ZNF717: variants seen among roughly 807,000 people sequenced by gnomAD.
ZNF717 encodes krueppel-like factor X17.
In ZNF717, 9 loss-of-function variants were observed where a neutral mutation model predicts 13.8. That is an observed-to-expected ratio of 0.65 (90% CI 0.39 to 1.14). ZNF717 has a LOEUF of 1.14. Ranked by LOEUF, ZNF717 falls within the 50% of genes most tolerant of loss-of-function variation. The pLI is 0.01. For missense variants in ZNF717, 1,040 were observed against 1,080.7 expected (o/e 0.96, Z 0.53); for synonymous variants, 327 against 364.1 (o/e 0.90, Z 1.16).
chr3:75,756,324 T>C (rs555716967), intron 2 of ZNF717, among the ~76,000 whole-genome samples: 1 of 152,342 alleles, frequency 6.6e-6, no homozygotes, highest in East Asian at 1.9e-4. Context: ...TTTTTATTAA[T>C]ATTAAATTGT....
chr3:75,784,525 T>C (rs965708943), intron 1 of ZNF717, among the ~76,000 whole-genome samples: 8 of 152,148 alleles, frequency 5.3e-5, no homozygotes, highest in East Asian at 1.9e-4. Flanking sequence ...CGAGGAAAGG[T>C]TGAAGGAATG....
intron 2 of ZNF717, among the ~76,000 whole-genome samples, chr3:75,772,870 A>G (rs66891880): frequency 0.013 from 1,673 of 125,078 alleles, no homozygotes; most frequent in Middle Eastern, 0.033. Context: ...TTGACCTCTC[A>G]GAGCAGCTGG....
Position 75,744,057 on chromosome 3 carries a change from A to T in ZNF717, c.58-2321T>A, listed in dbSNP as rs1257632444. Among the ~76,000 whole-genome samples the T allele has an allele frequency of 2.5e-4, 38 of 152,354 alleles. No individual in the cohort carries two copies. In the South Asian group the frequency reaches 7.5e-3, roughly 30 times the overall value. ...ATAAGAGAATGAAAGAATAAAAGAA[A>T]CAAGTACAGAATCTACAGAAACACT... On this transcript the variant is annotated intron_variant, in intron 2 of 4. Coordinates refer to ENST00000652011, the MANE Select transcript of ZNF717 (RefSeq NM_001290208.3).
chr3:75,737,640 G>C lies in ZNF717; in HGVS notation c.1983C>G (p.Phe661Leu), dbSNP rs1190398346. 1.9e-6 allele frequency: 3 copies of C among 1,544,190 alleles called. No homozygotes were observed. The highest frequency in any genetic ancestry group is 2.0e-5 in the Admixed American group (1 of 50,528). ...ECGKTFHRKSFLTIHQRTHTG... is the reference protein window; with the variant it reads ...ECGKTFHRKSLLTIHQRTHTG... ...TGTGAGTTCTCTGGTGTATGGTGAG[G>C]AATGACTTGCGATGAAAGGTTTTTC... The change falls in exon 5 of 5, where the codon TTC (phenylalanine) becomes TTG (leucine). Residue 661 changes from phenylalanine (F) to leucine (L), a missense_variant. Phe to Leu is a conservative substitution (Grantham distance 22). This residue lies in a region of ZNF717 where 873 missense variants were observed against 832.8 expected (regional missense o/e 1.05). Transcript: ENST00000652011.
intron 2 of ZNF717, among the ~76,000 whole-genome samples, chr3:75,745,837 T>C (rs1271366591): frequency 6.6e-5 from 10 of 151,618 alleles, no homozygotes; most frequent in African/African-American, 2.4e-4. Context: ...CACATTTTCT[T>C]TCTTTTTTTA....
chr3:75,709,265 G>A (rs1430178660), downstream of ZNF717, among the ~76,000 whole-genome samples: 1 of 152,046 alleles, frequency 6.6e-6, no homozygotes, highest in Non-Finnish European at 1.5e-5. Context: ...CTCCCCAAGT[G>A]CTGGGGTTAT....
chr3:75,766,895 A>G (rs1943512255), intron 2 of ZNF717, among the ~76,000 whole-genome samples: 1 of 152,280 alleles, frequency 6.6e-6, no homozygotes, highest in African/African-American at 2.4e-5. Flanking sequence ...TGTGAGTCAA[A>G]AAAAGTATTC....
chr3:75,772,277 C>A (rs998599537), intron 2 of ZNF717, among the ~76,000 whole-genome samples: 6 of 152,246 alleles, frequency 3.9e-5, no homozygotes, highest in African/African-American at 1.4e-4. Flanking sequence ...TCTACTTGCC[C>A]ACGTACCTCA....
chr3:75,758,228 G>A (rs1942669220), intron 2 of ZNF717, among the ~76,000 whole-genome samples: 1 of 151,920 alleles, frequency 6.6e-6, no homozygotes, highest in Non-Finnish European at 1.5e-5. Context: ...TGCAGATATA[G>A]TGGAAATAAC....
In ZNF717 at chr3:75,738,864, G is replaced by A; in HGVS notation, c.759C>T (p.Val253=). The change falls in exon 5 of 5, where the codon GTC becomes GTT. Residue 253 remains valine (V), a synonymous_variant. Transcript: ENST00000652011. ...GCTGTCCTACCTGAGTTATCACTTG[G>A]ACAATAACAGCTGAGTTATTACAGG... ...EKACNNSAVI[V]QVITQVGQPT... 1 of 1,551,472 alleles carries A rather than the reference G, an allele frequency of 6.4e-7. No homozygotes were observed. Among genetic ancestry groups the A allele is most frequent in the Non-Finnish European group, 8.7e-7 (1 of 1,146,982 alleles).
Position 75,713,824 on chromosome 3 carries a change from C to T in ZNF717, n.668-2508G>A, listed in dbSNP as rs77602884. Among the ~76,000 whole-genome samples, 15 of 152,020 alleles carry T rather than the reference C, an allele frequency of 9.9e-5. No homozygotes were observed. In the South Asian group the frequency reaches 3.1e-3, roughly 32 times the overall value. On this transcript the variant is annotated intron_variant and non_coding_transcript_variant, in intron 5 of 5. Transcript: ENST00000491507. Reference sequence around the variant, plus strand: ...TAGACACAGAGACAAGTAGTGGCCCCAAAGGCCAGGCTGCGCTTTTATTGG... The same window carrying T: ...TAGACACAGAGACAAGTAGTGGCCCTAAAGGCCAGGCTGCGCTTTTATTGG...
chr3:75,741,782 G>C (rs1389606258), intron 2 of ZNF717, 46 bp from the exon 3 acceptor site: 8 of 1,561,170 alleles, frequency 5.1e-6, no homozygotes, highest in Non-Finnish European at 6.9e-6. Context: ...TCACGTTCCT[G>C]TACAGGGTCC....
chr3:75,767,265 C>CACACACTCCTAACCACTAGTTAG (rs1575929833), intron 2 of ZNF717, among the ~76,000 whole-genome samples: 10 of 151,914 alleles, frequency 6.6e-5, no homozygotes, highest in Admixed American at 2.0e-4. Flanking sequence ...TAGTGAGCCA[C>CACACACTCCTAACCACTAGTTAG]CCTGCACACC....
chr3:75,752,879 T>G (rs1001776029), intron 2 of ZNF717, among the ~76,000 whole-genome samples: 1 of 151,224 alleles, frequency 6.6e-6, no homozygotes, highest in Non-Finnish European at 1.5e-5. Context: ...GTCTGAAAGT[T>G]TGTCCCTCAC....
downstream of ZNF717, among the ~76,000 whole-genome samples, chr3:75,732,488 G>A (rs1190143866): frequency 6.6e-6 from 1 of 152,220 alleles, no homozygotes; most frequent in Non-Finnish European, 1.5e-5. Context: ...ATTAAGGGGT[G>A]GGACCTTTGA....
chr3:75,759,136 G>T (rs1355163421), intron 2 of ZNF717, among the ~76,000 whole-genome samples: 1 of 151,814 alleles, frequency 6.6e-6, no homozygotes, highest in African/African-American at 2.4e-5. Flanking sequence ...CATGCACTGG[G>T]AAACCAAAAG....
At chr3:75,770,358 C>T (rs1463114063) in intron 2 of ZNF717, among the ~76,000 whole-genome samples, 2 of 152,098 alleles carry the variant, frequency 1.3e-5, no homozygotes, top group East Asian at 1.9e-4. Context: ...GTCGGGAGTT[C>T]GAGACCACCC....
At chr3:75,719,284 C>A (rs1427660475) in intron 4 of ZNF717, among the ~76,000 whole-genome samples, 72 of 134,368 alleles carry the variant, frequency 5.4e-4, no homozygotes, top group Middle Eastern at 3.7e-3. Context: ...CACCCTGTCT[C>A]AAAAAAAAAA....
At chr3:75,713,430 C>T (rs1937985226) in intron 5 of ZNF717, among the ~76,000 whole-genome samples, 1 of 152,126 alleles carries the variant, frequency 6.6e-6, no homozygotes, top group Admixed American at 6.5e-5. Flanking sequence ...GGATCACAGG[C>T]ATGAGCCACT....
Sources: gnomAD v4.1 joint callset for allele counts (sites outside exome capture counted in the v4.1 genomes callset) on GRCh38, gnomAD v4.1.1 for gene constraint, gnomAD v4.1.1 regional missense constraint, MANE v1.5 for transcripts, NCBI Gene and HGNC (gene_info 2026-07-23, HGNC 2026-07-21) for gene names.